ANKRD30A: variants seen among roughly 807,000 people sequenced by gnomAD.
ANKRD30A encodes ankyrin repeat domain 30A.
A neutral mutation model predicts 166.3 loss-of-function variants in ANKRD30A; 170 were observed. The ratio of observed to expected loss-of-function variants is 1.02; its 90% CI spans 0.90 to 1.16. The LOEUF (loss-of-function observed/expected upper bound fraction) is 1.16, where lower values mean the gene tolerates loss of function less well. ANKRD30A is among the 50% of genes most tolerant of loss of function. ANKRD30A has a pLI of 0.00. For synonymous variants in ANKRD30A, 564 were observed against 508.9 expected (o/e 1.11, Z -1.46); for missense variants, 1,630 against 1,518.0 (o/e 1.07, Z -1.23).
At chr10:37,228,599 T>A (rs1358911239) in intron 34 of ANKRD30A, among the ~76,000 whole-genome samples, 1 of 152,016 alleles carries the variant, frequency 6.6e-6, no homozygotes, top group African/African-American at 2.4e-5. Flanking sequence ...ACAACTTGCC[T>A]CTTTGCTTCC....
intron 13 of ANKRD30A, among the ~76,000 whole-genome samples, chr10:37,158,140 A>T (rs933812091): frequency 1.3e-5 from 2 of 151,882 alleles, no homozygotes; most frequent in African/African-American, 4.8e-5. Flanking sequence ...AGTTATTGTC[A>T]CCTTAAATAT....
intron 19 of ANKRD30A, among the ~76,000 whole-genome samples, chr10:37,167,410 T>A (rs1000484809): frequency 6.6e-6 from 1 of 151,100 alleles, no homozygotes; most frequent in African/African-American, 2.5e-5. Context: ...TTGGTAAAAT[T>A]GCCATTTTAT....
chr10:37,178,047 AAGAC>A (rs1412484054), intron 24 of ANKRD30A, among the ~76,000 whole-genome samples: 2 of 151,190 alleles, frequency 1.3e-5, no homozygotes, highest in African/African-American at 4.8e-5. Context: ...AAGACTGAGA[AAGAC>A]AGAGCGTACA....
intron 24 of ANKRD30A, among the ~76,000 whole-genome samples, chr10:37,178,936 A>G (rs1241408288): frequency 6.7e-6 from 1 of 150,296 alleles, no homozygotes; most frequent in East Asian, 2.0e-4. Context: ...TCTGGAGACT[A>G]CTGGAATCAT....
Position 37,226,193 on chromosome 10 carries a change from G to C in ANKRD30A, c.4186-5268G>C, listed in dbSNP as rs1489361768. Among the ~76,000 whole-genome samples the C allele has an allele frequency of 2.6e-5, 4 of 151,038 alleles. No individual in the cohort carries two copies. In the East Asian group the frequency reaches 5.9e-4, roughly 22 times the overall value. On this transcript the variant is annotated intron_variant, in intron 34 of 35. Coordinates refer to ENST00000361713, the MANE Select transcript of ANKRD30A (RefSeq NM_052997.3). Reference sequence around the variant, plus strand: ...ACATATGTATACATGTGCCATGTTGGTGTGCTGCACCCATTAACTCGTCAT... The same window carrying C: ...ACATATGTATACATGTGCCATGTTGCTGTGCTGCACCCATTAACTCGTCAT...
At position 37,158,441 on chromosome 10, in the gene ANKRD30A, G is replaced by A. The variant is rs374049366; in HGVS notation, c.1827+21G>A. On this transcript the variant is annotated intron_variant, in intron 14 of 35. Transcript: ENST00000361713. ...TGAAGGTAATAACTTTTATATTTTT[G>A]TCTTGAGTATCAACTACATATTTTA... is the stretch of plus-strand genomic sequence containing the variant. 271 of 1,612,054 alleles carry A rather than the reference G, an allele frequency of 1.7e-4. 4 individuals carry two copies. In the Middle Eastern group the frequency reaches 3.5e-3, roughly 21 times the overall value.
rs532175584 is a variant in ANKRD30A, at chr10:37,129,894, A to G, written c.223A>G (p.Thr75Ala). ...CAAAAAGTCCTCTCACTCTCGTAGG[A>G]CTGCTCTACACTGGGCCTGTGTCAA... is the stretch of plus-strand genomic sequence containing the variant. ...NLNIQDAQKR[T>A]ALHWACVNGH... The change falls in exon 2 of 36, where the codon ACT becomes GCT. Residue 75 changes from threonine (T) to alanine (A), a missense_variant and splice_region_variant. Around this residue, in one of 4 missense-constraint regions of ANKRD30A, gnomAD observed 904 missense variants for 818.5 expected, o/e 1.10. Transcript: ENST00000361713. The G allele has an allele frequency of 2.0e-6, 3 of 1,483,222 alleles. No homozygotes were observed. Among genetic ancestry groups the G allele is most frequent in the Non-Finnish European group, 2.7e-6 (3 of 1,111,720 alleles). 91.9% of individuals were successfully genotyped at this position (1,483,222 alleles called of 1,614,324 possible). A position where few individuals can be genotyped will look rare whatever the true frequency, so the allele number is the denominator to read the frequency against.
Position 37,152,773 on chromosome 10 carries a change from A to C in ANKRD30A, c.1707+652A>C, listed in dbSNP as rs17590229. 3.9e-5 allele frequency among the ~76,000 whole-genome samples: 6 copies of C among 152,196 alleles called. No individual in the cohort carries two copies. In the East Asian group the frequency reaches 1.2e-3, roughly 29 times the overall value. On this transcript the variant is annotated intron_variant, in intron 12 of 35. Transcript: ENST00000361713. ...AGCTGCAGCAGCATGAGCGTCAAAT[A>C]ATAGTGATGTATTTTAAGGTCACAA...
At chr10:37,179,032 A>ATATATG (rs1839970065) in intron 24 of ANKRD30A, among the ~76,000 whole-genome samples, 1 of 53,282 alleles carries the variant, frequency 1.9e-5, no homozygotes, top group East Asian at 3.1e-4. Flanking sequence ...ATATATATAT[A>ATATATG]TATATATATA....
chr10:37,248,489 C>G, the ANKRD30A span, among the ~76,000 whole-genome samples: 1 of 152,160 alleles, frequency 6.6e-6, no homozygotes, highest in Non-Finnish European at 1.5e-5. Flanking sequence ...CTGCTTCCCC[C>G]CATCAGCCCC....
intron 31 of ANKRD30A, among the ~76,000 whole-genome samples, chr10:37,214,993 C>T (rs576174365): frequency 2.0e-5 from 3 of 151,576 alleles, no homozygotes; most frequent in Middle Eastern, 3.4e-3. Flanking sequence ...GATGGCAAAT[C>T]AATCTATGCT....
At chr10:37,126,165 C>G (rs1052735734) in intron 1 of ANKRD30A, among the ~76,000 whole-genome samples, 157 bp downstream of exon 1, 1 of 152,126 alleles carries the variant, frequency 6.6e-6, no homozygotes, top group Admixed American at 6.5e-5. Flanking sequence ...GGGTCTAGGC[C>G]TTCTTCCTGG....
intron 31 of ANKRD30A, among the ~76,000 whole-genome samples, chr10:37,204,108 T>A (rs1436189572): frequency 6.6e-6 from 1 of 152,136 alleles, no homozygotes; most frequent in African/African-American, 2.4e-5. Context: ...AAGCTACCAA[T>A]GACTTTCTTC....
the ANKRD30A span, chr10:37,241,315 G>A: frequency 3.3e-5 from 5 of 150,534 alleles, no homozygotes; most frequent in Middle Eastern, 3.2e-3. Flanking sequence ...ATAAAAAATT[G>A]TAATATTTTA....
intron 35 of ANKRD30A, 69 bp from the exon 36 acceptor site, chr10:37,232,430 C>T (rs762404139): frequency 4.7e-4 from 71 of 150,762 alleles, no homozygotes; most frequent in Non-Finnish European, 6.9e-4. Context: ...ATGACTAATA[C>T]GGCGATGATA....
At chr10:37,157,123 A>G (rs909298498) in intron 13 of ANKRD30A, among the ~76,000 whole-genome samples, 1 of 152,206 alleles carries the variant, frequency 6.6e-6, no homozygotes, top group African/African-American at 2.4e-5. Context: ...TGAAGACATG[A>G]GATCTATTTC....
intron 4 of ANKRD30A, among the ~76,000 whole-genome samples, 184 bp from the exon 5 acceptor site, chr10:37,133,731 TC>T (rs34041434): frequency 5.9e-5 from 9 of 152,182 alleles, no homozygotes; most frequent in Non-Finnish European, 1.0e-4. Context: ...GTGTGCCATA[TC>T]CCCGTGGGAC....
intron 31 of ANKRD30A, among the ~76,000 whole-genome samples, chr10:37,211,387 G>T (rs1001556766): frequency 2.0e-5 from 3 of 151,910 alleles, no homozygotes; most frequent in Non-Finnish European, 2.9e-5. Context: ...TGTGGTGTTT[G>T]GTTTTCTGTT....
chr10:37,150,802 T>C (rs2132555641), intron 11 of ANKRD30A, among the ~76,000 whole-genome samples: 1 of 152,262 alleles, frequency 6.6e-6, no homozygotes, highest in Admixed American at 6.5e-5. Flanking sequence ...TTCAGACTCT[T>C]TCAAAAGTTA....
Sources: allele counts gnomAD v4.1 joint callset (sites outside exome capture counted in the v4.1 genomes callset), GRCh38; gene constraint gnomAD v4.1.1; regional missense constraint gnomAD v4.1.1; transcripts MANE v1.5; gene names NCBI Gene and HGNC (gene_info 2026-07-23, HGNC 2026-07-21).